ZDHHC13: variants seen among roughly 807,000 people sequenced by gnomAD.
The protein encoded by ZDHHC13 is zDHHC palmitoyltransferase 13.
A neutral mutation model predicts 86.0 loss-of-function variants in ZDHHC13; 85 were observed. The observed-to-expected ratio is 0.99, with a 90% CI of 0.83 to 1.18. The LOEUF (loss-of-function observed/expected upper bound fraction) is 1.18, where lower values mean the gene tolerates loss of function less well. ZDHHC13 is among the 50% of genes most tolerant of loss of function. The pLI is 0.00. For synonymous variants in ZDHHC13, 263 were observed against 246.4 expected (o/e 1.07, Z -0.63); for missense variants, 711 against 730.2 (o/e 0.97, Z 0.30).
At chr11:19,150,919 G>C in intron 6 of ZDHHC13, 128 bp downstream of exon 6, 1 of 764,978 alleles carries the variant, frequency 1.3e-6, no homozygotes, top group South Asian at 2.8e-5. Context: ...TTTTCACACA[G>C]AGACTGTGAT....
chr11:19,128,744 G>A (rs1848928389), intron 1 of ZDHHC13, among the ~76,000 whole-genome samples: 1 of 152,152 alleles, frequency 6.6e-6, no homozygotes, highest in Non-Finnish European at 1.5e-5. Flanking sequence ...AATAGGTTTG[G>A]TGATAAGGTA....
At chr11:19,148,358 T>G (rs1405802032) in intron 4 of ZDHHC13, among the ~76,000 whole-genome samples, 2 of 152,086 alleles carry the variant, frequency 1.3e-5, no homozygotes, top group Non-Finnish European at 2.9e-5. Context: ...GTTTTGAAAC[T>G]CTAGGGTTAC....
intron 14 of ZDHHC13, 37 bp downstream of exon 14, chr11:19,166,422 C>T: frequency 6.7e-7 from 1 of 1,503,620 alleles, no homozygotes; most frequent in Non-Finnish European, 9.2e-7. Context: ...GCACATACAT[C>T]TACACCCATT....
rs764253691 is a variant in ZDHHC13, at chr11:19,163,303, A to C, written c.1109A>C (p.Asp370Ala). ...FMTWFILFFP[D>A]LAGAPFYFSF... ...GTGTATTCCTTAACTTGGCTTTAACATTTAGCAGGAGCCCCTTTCTATTTC... is the reference window on the plus strand; with the variant it reads ...GTGTATTCCTTAACTTGGCTTTAACCTTTAGCAGGAGCCCCTTTCTATTTC... Residue 370 changes from aspartate (D) to alanine (A), a missense_variant and splice_region_variant, in exon 11 of 17, where the codon GAT becomes GCT. By Grantham distance (126) the Asp-to-Ala change is moderately radical. Coordinates refer to ENST00000446113, the MANE Select transcript of ZDHHC13 (RefSeq NM_019028.3). The C allele has an allele frequency of 8.2e-6, 13 of 1,579,862 alleles. No individual in the cohort carries two copies. Among genetic ancestry groups the C allele is most frequent in the Admixed American group, 1.9e-5 (1 of 51,374 alleles).
intron 1 of ZDHHC13, among the ~76,000 whole-genome samples, chr11:19,133,960 A>G (rs1293502843): frequency 1.4e-5 from 1 of 71,404 alleles, no homozygotes; most frequent in Non-Finnish European, 3.6e-5. Flanking sequence ...TGTGTTTTAT[A>G]TACTTCAGTC....
At chr11:19,174,119 T>C (rs1021719702) in intron 16 of ZDHHC13, among the ~76,000 whole-genome samples, 1 of 152,206 alleles carries the variant, frequency 6.6e-6, no homozygotes, top group Non-Finnish European at 1.5e-5. Context: ...GTATATACCA[T>C]GTTATTTCAG....
intron 1 of ZDHHC13, among the ~76,000 whole-genome samples, chr11:19,136,469 G>A (rs1158713660): frequency 5.9e-5 from 9 of 152,212 alleles, no homozygotes; most frequent in Non-Finnish European, 1.3e-4. Context: ...AAAGTGACGG[G>A]GAGAATGGAA....
At chr11:19,123,110 A>C (rs1352114040) in intron 1 of ZDHHC13, among the ~76,000 whole-genome samples, 1 of 152,238 alleles carries the variant, frequency 6.6e-6, no homozygotes, top group East Asian at 1.9e-4. Context: ...CCCATGTCTT[A>C]TATGCCCTTA....
At chr11:19,140,818 A>C (rs1213100412) in intron 1 of ZDHHC13, among the ~76,000 whole-genome samples, 1 of 151,750 alleles carries the variant, frequency 6.6e-6, no homozygotes, top group Non-Finnish European at 1.5e-5. Flanking sequence ...TTGCAAGAAC[A>C]AAAAACCAAA....
chr11:19,165,302 A>G (rs142007702), intron 13 of ZDHHC13, among the ~76,000 whole-genome samples, 157 bp downstream of exon 13: 96 of 152,366 alleles, frequency 6.3e-4, no homozygotes, highest in African/African-American at 2.2e-3. Flanking sequence ...TACAGGTAAC[A>G]TAATATTTGC....
chr11:19,152,751 AAGGCATCAG>A, intron 8 of ZDHHC13, 67 bp downstream of exon 8: 2 of 1,603,794 alleles, frequency 1.2e-6, no homozygotes, highest in Non-Finnish European at 1.7e-6. Context: ...TTTGTTTATT[AAGGCATCAG>A]AGGAAACCAG....
At position 19,163,409 on chromosome 11, in the gene ZDHHC13, TGAA is replaced by T; in HGVS notation, c.1222_1224del (p.Glu408del). The T allele has an allele frequency of 2.5e-6, 4 of 1,595,828 alleles. No homozygotes were observed. In the South Asian group the frequency reaches 4.6e-5, roughly 18 times the overall value. ...CTGATCCAGGCTTCACTAAGGCTTCTGAAGAAGAAAAGAAAGTGGTGAGATTTC... is the reference window on the plus strand; with the variant it reads ...CTGATCCAGGCTTCACTAAGGCTTCTGAAGAAAAGAAAGTGGTGAGATTTC... On this transcript the variant is annotated inframe_deletion, in exon 11 of 17. Transcript: ENST00000446113.
At chr11:19,140,731 C>G (rs560270071) in intron 1 of ZDHHC13, among the ~76,000 whole-genome samples, 112 of 152,186 alleles carry the variant, frequency 7.4e-4, no homozygotes, top group African/African-American at 2.6e-3. Context: ...GAATACTATG[C>G]AGCCATAAAA....
At chr11:19,128,868 G>A (rs911767489) in intron 1 of ZDHHC13, among the ~76,000 whole-genome samples, 2 of 152,106 alleles carry the variant, frequency 1.3e-5, no homozygotes, top group South Asian at 2.1e-4. Context: ...ACAATGTTTC[G>A]ATCAACGCCA....
intron 11 of ZDHHC13, among the ~76,000 whole-genome samples, chr11:19,164,011 T>C (rs930017495): frequency 2.6e-5 from 4 of 152,190 alleles, no homozygotes; most frequent in Non-Finnish European, 5.9e-5. Context: ...ATATTTATTT[T>C]TCTCTAGCAG....
intron 1 of ZDHHC13, among the ~76,000 whole-genome samples, chr11:19,137,314 CAAAG>C (rs1172785474): frequency 2.6e-5 from 4 of 151,952 alleles, no homozygotes; most frequent in East Asian, 1.9e-4. Context: ...TCAAAAGAGA[CAAAG>C]AAGGCCATTA....
rs1849628665 is a variant in ZDHHC13, at chr11:19,152,209, T to A, written c.636T>A (p.Val212=). The A allele has an allele frequency of 6.2e-7, 1 of 1,613,294 alleles. No individual in the cohort carries two copies. ...LLKFNPSLNV[V]DKIHQNTPLH... is the part of the protein sequence containing the mutation. Reference sequence around the variant, plus strand: ...AGTTTAATCCTTCTCTCAATGTGGTTGATAAAATACACCAAAACACTCCAC... The same window carrying A: ...AGTTTAATCCTTCTCTCAATGTGGTAGATAAAATACACCAAAACACTCCAC... Residue 212 remains valine, a synonymous_variant, in exon 7 of 17, where the codon GTT becomes GTA. Transcript: ENST00000446113.
At chr11:19,152,425 T>C in intron 7 of ZDHHC13, 105 bp downstream of exon 7, 1 of 1,454,342 alleles carries the variant, frequency 6.9e-7, no homozygotes, top group East Asian at 2.5e-5. Context: ...TACCCCAAGA[T>C]AGATATAAAT....
At chr11:19,122,405 G>A (rs1051976559) in intron 1 of ZDHHC13, among the ~76,000 whole-genome samples, 1 of 151,964 alleles carries the variant, frequency 6.6e-6, no homozygotes, top group African/African-American at 2.4e-5. Flanking sequence ...TTATTTGCTT[G>A]TGCTTATTAT....
Sources: allele counts gnomAD v4.1 joint callset (sites outside exome capture counted in the v4.1 genomes callset), GRCh38; gene constraint gnomAD v4.1.1; transcripts MANE v1.5; gene names NCBI Gene and HGNC (gene_info 2026-07-23, HGNC 2026-07-21).